The following SASH1 variants were observed in gnomAD, a reference collection of about 807,000 sequenced individuals.
SASH1 encodes SAM and SH3 domain-containing protein 1.
A neutral mutation model predicts 125.2 loss-of-function variants in SASH1; 44 were observed. The observed-to-expected ratio is 0.35, with a 90% CI of 0.28 to 0.45. The LOEUF (loss-of-function observed/expected upper bound fraction) is 0.45. Among genes scored for constraint, SASH1 ranks in the 20% least tolerant of loss-of-function variants. The probability of loss-of-function intolerance (pLI) is 1.00; values close to 1 mark genes in which losing one functional copy is unlikely to be tolerated. For synonymous variants in SASH1, 639 were observed against 649.1 expected (o/e 0.98, Z 0.24); for missense variants, 1,426 against 1,614.5 (o/e 0.88, Z 2.00).
chr6:148,493,141 G>A (rs1170111498), intron 8 of SASH1, among the ~76,000 whole-genome samples: 1 of 152,170 alleles, frequency 6.6e-6, no homozygotes, highest in African/African-American at 2.4e-5. Flanking sequence ...GATTTACTCT[G>A]TGTATTTTGC....
At chr6:148,273,318 G>T (rs1332512609) in intron 1 of SASH1, among the ~76,000 whole-genome samples, 1 of 134,700 alleles carries the variant, frequency 7.4e-6, no homozygotes, top group Non-Finnish European at 1.6e-5. Context: ...TTTTGAGACA[G>T]AGTCTCCCTC....
rs369733999 is a variant in SASH1 at position 148,273,965 on chromosome 6, C to T, written n.74+1588C>T. The stretch of plus-strand genomic sequence containing the variant: ...AGAAATGTCAGTTTGGGCATTTAAC[C>T]TAGTGAGGCTTTGCTTGGGCAAATT... On this transcript the variant is annotated intron_variant and non_coding_transcript_variant, in intron 1 of 3. Coordinates refer to the SASH1 transcript ENST00000367469. 5.9e-5 allele frequency among the ~76,000 whole-genome samples: 9 copies of T among 152,178 alleles called. No individual in the cohort carries two copies. In the East Asian group the frequency reaches 1.2e-3, roughly 20 times the overall value.
chr6:148,427,034 C>G (rs909710916), intron 2 of SASH1, among the ~76,000 whole-genome samples: 2 of 152,138 alleles, frequency 1.3e-5, no homozygotes, highest in Admixed American at 6.6e-5. Flanking sequence ...CTCAGCTACT[C>G]GGGTGGCTGA....
At chr6:148,394,896 G>A (rs572348795) in intron 2 of SASH1, among the ~76,000 whole-genome samples, 3 of 152,162 alleles carry the variant, frequency 2.0e-5, no homozygotes, top group South Asian at 4.2e-4. Flanking sequence ...TACCTGCCTC[G>A]GCCTCCCAAA....
intron 4 of SASH1, among the ~76,000 whole-genome samples, chr6:148,449,683 A>T (rs4897013): frequency 6.6e-6 from 1 of 152,160 alleles, no homozygotes; most frequent in South Asian, 2.1e-4. Flanking sequence ...CACTGCGCCC[A>T]GTCGGAGACT....
At chr6:148,391,261 C>A (rs928169016) in intron 2 of SASH1, among the ~76,000 whole-genome samples, 2 of 151,996 alleles carry the variant, frequency 1.3e-5, no homozygotes, top group Non-Finnish European at 2.9e-5. Flanking sequence ...AGGCATGCGC[C>A]ACCACACCCA....
chr6:148,409,040 C>A (rs1044459223), intron 2 of SASH1, among the ~76,000 whole-genome samples: 2 of 152,234 alleles, frequency 1.3e-5, no homozygotes, highest in Admixed American at 1.3e-4. Context: ...GCTTTCTCTG[C>A]AGGCTCTTCT....
chr6:148,218,917 C>T, the SASH1 span, among the ~76,000 whole-genome samples: 7 of 152,192 alleles, frequency 4.6e-5, no homozygotes, highest in African/African-American at 1.7e-4. Context: ...TATCCCTCTT[C>T]CAATCCAAAA....
intron 1 of SASH1, among the ~76,000 whole-genome samples, chr6:148,322,952 T>C (rs1235799824): frequency 6.9e-6 from 1 of 145,868 alleles, no homozygotes; most frequent in Non-Finnish European, 1.5e-5. Context: ...CCTTCCTTCC[T>C]CCCTCCCTCC....
At chr6:148,447,689 TC>T (rs1398968414) in intron 4 of SASH1, among the ~76,000 whole-genome samples, 1 of 150,740 alleles carries the variant, frequency 6.6e-6, no homozygotes, top group African/African-American at 2.4e-5. Flanking sequence ...CTCTTCTTCT[TC>T]CTCTTCTCCT....
chr6:148,234,182 C>T, the SASH1 span, among the ~76,000 whole-genome samples: 3 of 151,926 alleles, frequency 2.0e-5, no homozygotes, highest in Non-Finnish European at 4.4e-5. Flanking sequence ...GGACCACAGG[C>T]ACTGGCTTCA....
At chr6:148,453,215 G>C (rs1057386865) in intron 4 of SASH1, among the ~76,000 whole-genome samples, 2 of 152,242 alleles carry the variant, frequency 1.3e-5, no homozygotes, top group Non-Finnish European at 2.9e-5. Context: ...TGCTGGGATG[G>C]CTGGGGACAG....
chr6:148,260,407 T>G, the SASH1 span, among the ~76,000 whole-genome samples: 1 of 152,002 alleles, frequency 6.6e-6, no homozygotes, highest in Admixed American at 6.6e-5. Context: ...AGGAGTTTGA[T>G]ATCAGCCTAG....
chr6:148,301,745 A>ATTTTTTTTT (rs34707015), intron 1 of SASH1, among the ~76,000 whole-genome samples: 1 of 102,876 alleles, frequency 9.7e-6, no homozygotes, highest in Non-Finnish European at 1.9e-5. Context: ...CATCTTGGTG[A>ATTTTTTTTT]TTTTTTTTTT....
At chr6:148,253,072 A>C in the SASH1 span, among the ~76,000 whole-genome samples, 3 of 152,196 alleles carry the variant, frequency 2.0e-5, no homozygotes, top group African/African-American at 7.2e-5. Context: ...CAGGCACCAA[A>C]GATAGCTGGT....
At chr6:148,307,044 CTTTCTTTCTTTCTT>C (rs1328554005) in intron 1 of SASH1, among the ~76,000 whole-genome samples, 9 of 107,978 alleles carry the variant, frequency 8.3e-5, no homozygotes, top group African/African-American at 1.3e-4. Context: ...TTCTTTCTTT[CTTTCTTTCTTTCTT>C]TCTTTCTTTC....
chr6:148,349,601 A>G (rs1008218831), intron 1 of SASH1, among the ~76,000 whole-genome samples: 6 of 151,980 alleles, frequency 3.9e-5, no homozygotes, highest in Admixed American at 2.0e-4. Flanking sequence ...TGGGGTGGCA[A>G]TGAGGTTGGA....
In SASH1 at chr6:148,544,019, A is replaced by G. The variant is rs1208303542; in HGVS notation, c.2549A>G (p.Glu850Gly). 6.2e-7 allele frequency: 1 copy of G among 1,613,982 alleles called. No individual in the cohort carries two copies. Among genetic ancestry groups the G allele is most frequent in the Non-Finnish European group, 8.5e-7 (1 of 1,180,032 alleles). Residue 850 changes from glutamate to glycine, a missense_variant, in exon 18 of 20, where the codon GAG becomes GGG. Physicochemically the swap from Glu to Gly is moderately conservative, Grantham distance 98. This residue lies in a region of SASH1 where 634 missense variants were observed against 694.4 expected (regional missense o/e 0.91). Coordinates refer to ENST00000367467, the MANE Select transcript of SASH1 (RefSeq NM_015278.5). This position sits in a 1 kb window ranked among gnomAD's most constrained non-coding sequence, Gnocchi z 6.4. ...LDDLQVEPGA[E>G]QDVPTEVTEP... is the part of the protein sequence containing the mutation. Reference sequence around the variant, plus strand: ...GACCTTCAAGTGGAGCCTGGTGCTGAGCAAGACGTGCCTACCGAGGTGACA... The same window carrying G: ...GACCTTCAAGTGGAGCCTGGTGCTGGGCAAGACGTGCCTACCGAGGTGACA...
At position 148,512,518 on chromosome 6, in the gene SASH1, C is replaced by T. The variant is rs1294756438; in HGVS notation, c.730-1806C>T. 15 of 985,116 alleles carry T rather than the reference C, an allele frequency of 1.5e-5. No individual in the cohort carries two copies. The South Asian group carries it at 6.1e-4, about 40-fold the overall frequency. 61.0% of individuals were successfully genotyped at this position (985,116 alleles called of 1,614,324 possible). A position where few individuals can be genotyped will look rare whatever the true frequency, so the allele number is the denominator to read the frequency against. On this transcript the variant is annotated intron_variant, in intron 8 of 19. Transcript: ENST00000367467. ...GAGGGTTAACCAAGTTCTCATTCCT[C>T]TGGTTGACCGCTCCAACCATTTCAT...
Sources: gnomAD v4.1 joint callset for allele counts (sites outside exome capture counted in the v4.1 genomes callset) on GRCh38, gnomAD v4.1.1 for gene constraint, gnomAD v4.1.1 regional missense constraint, Gnocchi (gnomAD v3.1) non-coding constraint, MANE v1.5 for transcripts, NCBI Gene and HGNC (gene_info 2026-07-23, HGNC 2026-07-21) for gene names.